The following SND1 variants were observed in gnomAD, a reference collection of about 807,000 sequenced individuals.
SND1 encodes staphylococcal nuclease and tudor domain containing 1.
In SND1, 38 loss-of-function variants were observed where a neutral mutation model predicts 121.7. The observed-to-expected ratio is 0.31, with a 90% CI of 0.24 to 0.41. The LOEUF (loss-of-function observed/expected upper bound fraction) is 0.41, where lower values mean the gene tolerates loss of function less well. Among genes scored for constraint, SND1 ranks in the 10% least tolerant of loss-of-function variants. The probability of loss-of-function intolerance (pLI) is 1.00; values close to 1 mark genes in which losing one functional copy is unlikely to be tolerated. For synonymous variants in SND1, 401 were observed against 447.4 expected, an observed-to-expected ratio of 0.90 and a Z score of 1.31; for missense variants, 868 against 1,184.6, an observed-to-expected ratio of 0.73 and a Z score of 3.92.
chr7:127,712,888 A>T (rs1255316996), intron 9 of SND1, among the ~76,000 whole-genome samples: 1 of 152,226 alleles, frequency 6.6e-6, no homozygotes, highest in African/African-American at 2.4e-5. Context: ...ACCAGTCTCT[A>T]ATAGGTTTAT....
intron 10 of SND1, among the ~76,000 whole-genome samples, chr7:127,787,339 A>G (rs1340989244): frequency 2.6e-5 from 4 of 152,162 alleles, no homozygotes; most frequent in Admixed American, 6.5e-5. Flanking sequence ...GGCTCAAGCT[A>G]TCCTCCTGCC....
chr7:127,812,362 C>G, intron 11 of SND1, among the ~76,000 whole-genome samples: 1 of 152,194 alleles, frequency 6.6e-6, no homozygotes, highest in East Asian at 1.9e-4. Context: ...TCTCATTAGT[C>G]TTTGAGATGT....
At chr7:128,028,581 TA>T in intron 16 of SND1, 2 of 1,132,716 alleles carry the variant, frequency 1.8e-6, no homozygotes, top group Non-Finnish European at 2.5e-6. Context: ...ACTTAATATA[TA>T]AGCATATACA....
intron 16 of SND1, chr7:128,031,026 G>A (rs1286358665): frequency 1.3e-5 from 2 of 153,604 alleles, no homozygotes; most frequent in Admixed American, 1.3e-4. Flanking sequence ...AGGGGGAAGT[G>A]GTGGGGGCGG....
chr7:127,701,036 C>T, intron 4 of SND1, 127 bp from the exon 5 acceptor site: 1 of 992,268 alleles, frequency 1.0e-6, no homozygotes, highest in Non-Finnish European at 1.5e-6. Flanking sequence ...GGGTCTTAAG[C>T]CATAGATCTG....
At chr7:127,678,240 A>C (rs1424700333) in intron 1 of SND1, among the ~76,000 whole-genome samples, 12 of 152,318 alleles carry the variant, frequency 7.9e-5, no homozygotes, top group Non-Finnish European at 1.8e-4. Context: ...TATTTTAGGC[A>C]AAAGTTACTT....
At chr7:128,035,089 G>A (rs1438032708) in intron 16 of SND1, among the ~76,000 whole-genome samples, 1 of 152,224 alleles carries the variant, frequency 6.6e-6, no homozygotes, top group African/African-American at 2.4e-5. Flanking sequence ...GCAGTGATTG[G>A]GGAAGGCCTG....
intron 15 of SND1, among the ~76,000 whole-genome samples, chr7:127,988,827 G>A (rs1802456122): frequency 6.6e-6 from 1 of 152,252 alleles, no homozygotes; most frequent in African/African-American, 2.4e-5. Context: ...CAGCACCCCA[G>A]TCCTGTCCTG....
intron 1 of SND1, among the ~76,000 whole-genome samples, chr7:127,675,216 C>A (rs1038391637): frequency 1.3e-5 from 2 of 151,956 alleles, no homozygotes; most frequent in Non-Finnish European, 2.9e-5. Context: ...AACAAAAAAA[C>A]CCTTCATTTT....
chr7:128,036,243 C>A (rs543757581), intron 16 of SND1, among the ~76,000 whole-genome samples: 1 of 152,100 alleles, frequency 6.6e-6, no homozygotes, highest in Non-Finnish European at 1.5e-5. Flanking sequence ...CCCACGTGTG[C>A]AAACACCTAT....
intron 10 of SND1, among the ~76,000 whole-genome samples, chr7:127,740,086 T>G (rs1427405075): frequency 6.6e-6 from 1 of 152,210 alleles, no homozygotes; most frequent in African/African-American, 2.4e-5. Context: ...TGTCCATGAT[T>G]AAATTCTCGC....
chr7:127,748,716 A>T (rs1488154731), intron 10 of SND1, among the ~76,000 whole-genome samples: 1 of 152,208 alleles, frequency 6.6e-6, no homozygotes, highest in East Asian at 1.9e-4. Context: ...AACTGCTGTA[A>T]TTGTTAAGAG....
intron 10 of SND1, among the ~76,000 whole-genome samples, chr7:127,754,044 G>T (rs1797150539): frequency 6.6e-6 from 1 of 152,166 alleles, no homozygotes; most frequent in Non-Finnish European, 1.5e-5. Flanking sequence ...AATTAGAAGT[G>T]AATTGGAACT....
chr7:127,676,363 A>G (rs932879000), intron 1 of SND1, among the ~76,000 whole-genome samples: 7 of 152,194 alleles, frequency 4.6e-5, no homozygotes, highest in Non-Finnish European at 8.8e-5. Flanking sequence ...TAATAATACA[A>G]ATAACCCAGA....
intron 15 of SND1, among the ~76,000 whole-genome samples, chr7:127,962,560 G>A (rs995367289): frequency 1.3e-5 from 2 of 152,152 alleles, no homozygotes; most frequent in Non-Finnish European, 2.9e-5. Context: ...TCTGTCTTTA[G>A]GAATGCCCAT....
chr7:128,062,922 C>T (rs115888088), intron 16 of SND1, among the ~76,000 whole-genome samples: 1 of 152,178 alleles, frequency 6.6e-6, no homozygotes, highest in African/African-American at 2.4e-5. Context: ...CAGCACCTGG[C>T]GGGTGACTTG....
rs376455092 is a variant in SND1 at position 127,950,216 on chromosome 7, C to G, written c.1669+20887C>G. On this transcript the variant is annotated intron_variant, in intron 15 of 23. Coordinates refer to ENST00000354725, the MANE Select transcript of SND1 (RefSeq NM_014390.4). ...AGAAAGGGCCTAGACTTCCCTCCCCCTTTTTTTTTCCTCTAGGTTTGGGAA... is the reference window on the plus strand; with the variant it reads ...AGAAAGGGCCTAGACTTCCCTCCCCGTTTTTTTTTCCTCTAGGTTTGGGAA... 5.9e-5 allele frequency among the ~76,000 whole-genome samples: 9 copies of G among 151,488 alleles called. No homozygotes were observed. The East Asian group carries it at 7.7e-4, about 13-fold the overall frequency.
At chr7:127,890,087 T>C (rs953324189) in intron 13 of SND1, among the ~76,000 whole-genome samples, 2 of 152,104 alleles carry the variant, frequency 1.3e-5, no homozygotes, top group Non-Finnish European at 2.9e-5. Flanking sequence ...ATTTTTAGTT[T>C]CTTGAAGATC....
At chr7:127,772,668 A>G (rs779287593) in intron 10 of SND1, among the ~76,000 whole-genome samples, 1 of 151,062 alleles carries the variant, frequency 6.6e-6, no homozygotes. Context: ...ACTTGTTTAC[A>G]TGCTGCCTAA....
Sources: allele counts gnomAD v4.1 joint callset (sites outside exome capture counted in the v4.1 genomes callset), GRCh38; gene constraint gnomAD v4.1.1; transcripts MANE v1.5; gene names NCBI Gene and HGNC (gene_info 2026-07-23, HGNC 2026-07-21).